Variants in SYNDIG1 observed in about 807,000 individuals in gnomAD.
SYNDIG1 encodes the protein synapse differentiation-inducing gene protein 1.
In SYNDIG1, 9 loss-of-function variants were observed where a neutral mutation model predicts 19.4. That is an observed-to-expected ratio of 0.46 (90% CI 0.28 to 0.81). SYNDIG1 has a LOEUF of 0.81. SYNDIG1 is among the 30% of genes least tolerant of loss of function. The pLI, the probability that SYNDIG1 is intolerant of heterozygous loss-of-function variation, is 0.12. For synonymous variants in SYNDIG1, 141 were observed against 145.9 expected, an observed-to-expected ratio of 0.97 and a Z score of 0.24; for missense variants, 311 against 343.3, an observed-to-expected ratio of 0.91 and a Z score of 0.74.
chr20:24,658,324 G>C lies in SYNDIG1; in HGVS notation c.619-7022G>C, dbSNP rs747383203. Among the ~76,000 whole-genome samples, 4 of 152,096 alleles carry C rather than the reference G, an allele frequency of 2.6e-5. No individual in the cohort carries two copies. The highest frequency in any genetic ancestry group is 9.7e-5 in the African/African-American group (4 of 41,424). ...GTCTCGGGGAAAGGCAGGTAGTGAC[G>C]CGGCAGGGGACTGGAGCTCGGTGGA... is the stretch of plus-strand genomic sequence containing the variant. On this transcript the variant is annotated intron_variant, in intron 3 of 3. Coordinates refer to ENST00000376862, the MANE Select transcript of SYNDIG1 (RefSeq NM_024893.3). This position sits in a 1 kb window ranked among gnomAD's most constrained non-coding sequence, Gnocchi z 4.4.
chr20:24,575,365 C>T (rs2058211186), intron 2 of SYNDIG1, among the ~76,000 whole-genome samples: 1 of 152,256 alleles, frequency 6.6e-6, no homozygotes, highest in African/African-American at 2.4e-5. Flanking sequence ...TCTGCCCATA[C>T]ACACTGAACG....
chr20:24,547,821 A>G (rs2057610471), intron 2 of SYNDIG1, among the ~76,000 whole-genome samples: 2 of 152,176 alleles, frequency 1.3e-5, no homozygotes, highest in South Asian at 4.1e-4. Context: ...AAAATATACA[A>G]TTTGAGTTTA....
At chr20:24,627,838 C>T (rs1885940859) in intron 3 of SYNDIG1, among the ~76,000 whole-genome samples, 1 of 152,266 alleles carries the variant, frequency 6.6e-6, no homozygotes, top group South Asian at 2.1e-4. Flanking sequence ...CTTAATGCTG[C>T]CCTGGGGCAG....
intron 2 of SYNDIG1, among the ~76,000 whole-genome samples, chr20:24,567,824 A>G (rs2058076791): frequency 6.6e-6 from 1 of 152,082 alleles, no homozygotes; most frequent in Non-Finnish European, 1.5e-5. Flanking sequence ...CATCCTCTCC[A>G]CTGTGTCTGC....
At chr20:24,616,873 G>A (rs1453685093) in intron 3 of SYNDIG1, among the ~76,000 whole-genome samples, 1 of 152,212 alleles carries the variant, frequency 6.6e-6, no homozygotes, top group Non-Finnish European at 1.5e-5. Flanking sequence ...CCGGCACTGG[G>A]GACACTGCAC....
intron 2 of SYNDIG1, among the ~76,000 whole-genome samples, chr20:24,554,538 C>CT (rs1204289293): frequency 6.6e-6 from 1 of 152,118 alleles, no homozygotes; most frequent in African/African-American, 2.4e-5. Flanking sequence ...TGTCAAAGGC[C>CT]TTTTCTGCAT....
At chr20:24,539,534 C>T (rs1347017548) in intron 1 of SYNDIG1, among the ~76,000 whole-genome samples, 1 of 152,112 alleles carries the variant, frequency 6.6e-6, no homozygotes, top group Non-Finnish European at 1.5e-5. Context: ...GGTGTGAGTA[C>T]TCCTACTTTG....
At position 24,469,723 on chromosome 20, in the gene SYNDIG1, G is replaced by C. The variant is rs915318445; in HGVS notation, c.-109G>C. ...CGGGAGAGTCGCGGGCGGCCGCTTG[G>C]GCGCACTTGCCGGGTCACCTTGTCC... is the stretch of plus-strand genomic sequence containing the variant. On this transcript the variant is annotated 5_prime_UTR_variant, in exon 1 of 4. Transcript: ENST00000376862. 1.3e-5 allele frequency: 2 copies of C among 151,848 alleles called. No individual in the cohort carries two copies. The highest frequency in any genetic ancestry group is 4.8e-5 in the African/African-American group (2 of 41,400). The allele number at this position is 151,848 out of a possible 1,614,324, so 9.4% of individuals were successfully genotyped here. A position where few individuals can be genotyped will look rare whatever the true frequency, so the allele number is the denominator to read the frequency against.
intron 1 of SYNDIG1, among the ~76,000 whole-genome samples, chr20:24,492,118 C>T (rs552278869): frequency 7.9e-5 from 12 of 152,292 alleles, no homozygotes; most frequent in South Asian, 2.1e-4. Context: ...CCCATCTTGT[C>T]GCGTCCGTGT....
At chr20:24,565,607 A>G (rs1980823) in intron 2 of SYNDIG1, among the ~76,000 whole-genome samples, 94,302 of 152,050 alleles carry the variant, frequency 0.62, 29,778 homozygotes, top group African/African-American at 0.74. Flanking sequence ...GCAAGCCACT[A>G]GGACAGATTA....
intron 1 of SYNDIG1, among the ~76,000 whole-genome samples, chr20:24,484,284 G>T (rs933356748): frequency 6.6e-6 from 1 of 152,154 alleles, no homozygotes; most frequent in Non-Finnish European, 1.5e-5. Context: ...AGAGTGGGGG[G>T]CCTGGGGCTA....
In SYNDIG1 at chr20:24,665,601, C is replaced by A; in HGVS notation, c.*97C>A. ...TGATGCTGTACAGTACAAATGATTG[C>A]CAAATGATGCCACGAAGCCCTGGGA... On this transcript the variant is annotated 3_prime_UTR_variant, in exon 4 of 4. Transcript: ENST00000376862. 6.7e-7 allele frequency: 1 copy of A among 1,494,360 alleles called. No individual in the cohort carries two copies. The highest frequency in any genetic ancestry group is 9.0e-7 in the Non-Finnish European group (1 of 1,110,240). The allele number at this position is 1,494,360 out of a possible 1,614,324, so 92.6% of individuals were successfully genotyped here. A position where few individuals can be genotyped will look rare whatever the true frequency, so the allele number is the denominator to read the frequency against.
chr20:24,529,980 G>GCTA (rs2057215365), intron 1 of SYNDIG1, among the ~76,000 whole-genome samples: 19 of 147,944 alleles, frequency 1.3e-4, no homozygotes, highest in South Asian at 5.0e-4. Context: ...GATGGTGATG[G>GCTA]TGGTGGTGAT....
At chr20:24,515,107 C>G (rs1419393145) in intron 1 of SYNDIG1, among the ~76,000 whole-genome samples, 2 of 152,204 alleles carry the variant, frequency 1.3e-5, no homozygotes, top group East Asian at 3.8e-4. Flanking sequence ...ACCAGAATCT[C>G]TGGGACACAT....
chr20:24,636,621 G>A (rs1364847873), intron 3 of SYNDIG1, among the ~76,000 whole-genome samples: 14 of 152,180 alleles, frequency 9.2e-5, no homozygotes, highest in Admixed American at 2.6e-4. Context: ...TACTGTGCAC[G>A]TGGTTGACAA....
At chr20:24,578,313 C>T (rs538781320) in intron 2 of SYNDIG1, among the ~76,000 whole-genome samples, 33 of 152,048 alleles carry the variant, frequency 2.2e-4, no homozygotes, top group African/African-American at 7.5e-4. Flanking sequence ...CATGATGGCA[C>T]GTACCTGTAA....
At chr20:24,584,047 A>G (rs1365993704) in intron 2 of SYNDIG1, among the ~76,000 whole-genome samples, 2 of 152,156 alleles carry the variant, frequency 1.3e-5, no homozygotes, top group Non-Finnish European at 2.9e-5. Context: ...TTTAAAATAT[A>G]AAATTAAAAA....
At chr20:24,627,179 G>T (rs1203591561) in intron 3 of SYNDIG1, among the ~76,000 whole-genome samples, 1 of 150,224 alleles carries the variant, frequency 6.7e-6, no homozygotes, top group African/African-American at 2.5e-5. Context: ...GAGAGCGAGA[G>T]CGAGAGCTGC....
chr20:24,486,210 T>C lies in SYNDIG1; in HGVS notation c.-79+16457T>C, dbSNP rs559919449. Among the ~76,000 whole-genome samples, 11 of 152,140 alleles carry C rather than the reference T, an allele frequency of 7.2e-5. No individual in the cohort carries two copies. In the East Asian group the frequency reaches 1.5e-3, roughly 21 times the overall value. Reference sequence around the variant, plus strand: ...GAAAAGTCAGTGGTTTGCTGGTGGGTGTGAGGTTGGGTGTGGTGTGGGCAG... The same window carrying C: ...GAAAAGTCAGTGGTTTGCTGGTGGGCGTGAGGTTGGGTGTGGTGTGGGCAG... On this transcript the variant is annotated intron_variant, in intron 1 of 3. Coordinates refer to ENST00000376862, the MANE Select transcript of SYNDIG1 (RefSeq NM_024893.3).
Sources: gnomAD v4.1 joint callset for allele counts (sites outside exome capture counted in the v4.1 genomes callset) on GRCh38, gnomAD v4.1.1 for gene constraint, Gnocchi (gnomAD v3.1) non-coding constraint, MANE v1.5 for transcripts, NCBI Gene and HGNC (gene_info 2026-07-23, HGNC 2026-07-21) for gene names.